ZNF468: variants seen among roughly 807,000 people sequenced by gnomAD.
The protein encoded by ZNF468 is zinc finger protein 468.
In ZNF468, 8 loss-of-function variants were observed where a neutral mutation model predicts 7.2. The ratio of observed to expected loss-of-function variants is 1.11; its 90% CI spans 0.65 to 2.01. The LOEUF is 2.01. Ranked by LOEUF, ZNF468 falls within the 30% of genes most tolerant of loss-of-function variation. ZNF468 has a pLI of 0.00. For missense variants in ZNF468, 608 were observed against 626.5 expected (o/e 0.97, Z 0.31); for synonymous variants, 218 against 214.4 (o/e 1.02, Z -0.15).
At chr19:52,848,682 C>T (rs4801940) in intron 3 of ZNF468, among the ~76,000 whole-genome samples, 79,335 of 151,516 alleles carry the variant, frequency 0.52, 22,451 homozygotes, top group African/African-American at 0.74. Flanking sequence ...TCTCTAGGAG[C>T]TGGGATTACA....
intron 3 of ZNF468, among the ~76,000 whole-genome samples, chr19:52,848,527 G>T (rs1182708423): frequency 6.6e-6 from 1 of 152,062 alleles, no homozygotes; most frequent in Non-Finnish European, 1.5e-5. Context: ...CAGGAAACTG[G>T]ATATCTTTAA....
At chr19:52,851,947 T>C (rs2063393692) in intron 2 of ZNF468, among the ~76,000 whole-genome samples, 1 of 152,168 alleles carries the variant, frequency 6.6e-6, no homozygotes, top group African/African-American at 2.4e-5. Context: ...TGTATGTATG[T>C]ATATATTTAT....
At chr19:52,850,736 A>G (rs530356750) in intron 2 of ZNF468, among the ~76,000 whole-genome samples, 1 of 151,726 alleles carries the variant, frequency 6.6e-6, no homozygotes, top group South Asian at 2.1e-4. Context: ...CATCTCTACT[A>G]AAAATACAAA....
chr19:52,856,680 C>T (rs565682684), intron 1 of ZNF468, among the ~76,000 whole-genome samples: 5 of 143,596 alleles, frequency 3.5e-5, no homozygotes, highest in East Asian at 1.9e-4. Flanking sequence ...CACATTTCTG[C>T]CCCTCTCCCT....
In ZNF468 at chr19:52,839,656, TGAG is replaced by T. The variant is rs2147720831; in HGVS notation, c.*1066_*1068del. 2 of 549,712 alleles carry T rather than the reference TGAG, an allele frequency of 3.6e-6. 1 individual carries two copies. The highest frequency in any genetic ancestry group is 2.8e-5 in the South Asian group (2 of 72,034). 34.1% of individuals were successfully genotyped at this position (549,712 alleles called of 1,614,324 possible). A position where few individuals can be genotyped will look rare whatever the true frequency, so the allele number is the denominator to read the frequency against. On this transcript the variant is annotated 3_prime_UTR_variant, in exon 4 of 4. Coordinates refer to ENST00000595646, the MANE Select transcript of ZNF468 (RefSeq NM_001008801.2). ...CCAGCATGGATTCTCTGATGTCTAA[TGAG>T]GTGTGAATGTGAAGTAAACGCTTTG... is the stretch of plus-strand genomic sequence containing the variant.
chr19:52,854,680 A>C (rs1468800574), intron 1 of ZNF468, among the ~76,000 whole-genome samples: 1 of 152,166 alleles, frequency 6.6e-6, no homozygotes, highest in Non-Finnish European at 1.5e-5. Flanking sequence ...TTTGAGCTCA[A>C]AAGTTTGAGA....
chr19:52,850,790 T>G (rs1411888591), intron 2 of ZNF468, among the ~76,000 whole-genome samples: 1 of 151,414 alleles, frequency 6.6e-6, no homozygotes, highest in Non-Finnish European at 1.5e-5. Context: ...TCCCAGCTAC[T>G]CGGGAGGCTG....
intron 2 of ZNF468, among the ~76,000 whole-genome samples, chr19:52,850,893 C>T (rs560453109): frequency 4.2e-4 from 63 of 150,278 alleles, no homozygotes; most frequent in Middle Eastern, 3.5e-3. Context: ...AGCGAGACTC[C>T]GTCTTGAAAA....
At position 52,839,355 on chromosome 19, in the gene ZNF468, G is replaced by A. The variant is rs1270497098; in HGVS notation, c.*1370C>T. The A allele has an allele frequency of 1.9e-5, 4 of 215,362 alleles. No individual in the cohort carries two copies. The highest frequency in any genetic ancestry group is 2.8e-5 in the Non-Finnish European group (3 of 105,422). 13.3% of individuals were successfully genotyped at this position (215,362 alleles called of 1,614,324 possible). The stretch of plus-strand genomic sequence containing the variant: ...GAGCTCCAGTGACCTACCTGTCTTT[G>A]CCTCTCAAAGTGCTGGAATTACAGG... On this transcript the variant is annotated 3_prime_UTR_variant, in exon 4 of 4. Coordinates refer to ENST00000595646, the MANE Select transcript of ZNF468 (RefSeq NM_001008801.2).
intron 2 of ZNF468, among the ~76,000 whole-genome samples, chr19:52,850,755 CG>C (rs1184758341): frequency 2.6e-5 from 4 of 151,528 alleles, no homozygotes; most frequent in African/African-American, 9.7e-5. Context: ...AAAAATTAGC[CG>C]GGCGTGGTGG....
At chr19:52,847,531 G>A (rs1352100374) in intron 3 of ZNF468, among the ~76,000 whole-genome samples, 1 of 151,740 alleles carries the variant, frequency 6.6e-6, no homozygotes, top group African/African-American at 2.4e-5. Flanking sequence ...GAGATAAAAG[G>A]AAGGCTTCTG....
intron 3 of ZNF468, among the ~76,000 whole-genome samples, chr19:52,848,037 C>A (rs1462082609): frequency 2.0e-5 from 3 of 152,186 alleles, no homozygotes; most frequent in Non-Finnish European, 4.4e-5. Context: ...GGGGCTGGCG[C>A]CCTTCAGAAA....
At chr19:52,857,361 A>G (rs557827803) in intron 1 of ZNF468, among the ~76,000 whole-genome samples, 48 of 152,242 alleles carry the variant, frequency 3.2e-4, no homozygotes, top group East Asian at 2.5e-3. Context: ...ACATTGCCCT[A>G]TGGCAGAAAG....
At chr19:52,849,237 C>G (rs779787817) in intron 2 of ZNF468, 24 bp from the exon 3 acceptor site, 2 of 1,612,232 alleles carry the variant, frequency 1.2e-6, no homozygotes, top group Non-Finnish European at 1.7e-6. Flanking sequence ...ACATTTTAAC[C>G]AAATGGTTAT....
chr19:52,849,124 G>A lies in ZNF468; in HGVS notation c.105C>T (p.Asp35=), dbSNP rs751891544. The change falls in exon 3 of 4, where the codon GAC becomes GAT. Residue 35 remains aspartate, a synonymous_variant. Transcript: ENST00000595646. ...LDPAQRTLYR[D]VMLENYRNLV... ...GGTTCCTATAATTCTCCAGCATCAC[G>A]TCCCTGTATAAAGTCCTCTGAGCAG... 27 of 1,613,948 alleles carry A rather than the reference G, an allele frequency of 1.7e-5. No homozygotes were observed. The Admixed American group carries it at 1.8e-4, about 11-fold the overall frequency.
Position 52,840,502 on chromosome 19 carries a change from T to C in ZNF468, c.*223A>G. 1 of 942,952 alleles carries C rather than the reference T, an allele frequency of 1.1e-6. No homozygotes were observed. The highest frequency in any genetic ancestry group is 1.6e-6 in the Non-Finnish European group (1 of 610,190). The allele number at this position is 942,952 out of a possible 1,614,324, so 58.4% of individuals were successfully genotyped here. Reference sequence around the variant, plus strand: ...GGTTTCTCTTCAATGTGAATTTTCTTATGTGTTTTAAGGTTTGATTTACAA... The same window carrying C: ...GGTTTCTCTTCAATGTGAATTTTCTCATGTGTTTTAAGGTTTGATTTACAA... On this transcript the variant is annotated 3_prime_UTR_variant, in exon 4 of 4. Transcript: ENST00000595646.
chr19:52,841,741 T>G lies in ZNF468; in HGVS notation c.553A>C (p.Lys185Gln), dbSNP rs1344339918. ...CCATACTTATTAGAAATATGGGTTT[T>G]GGGCCTACAACAAATTCTTTGGGAT... Reference protein sequence around the residue: ...STSQRICCRPKTHISNKYGNN... With the variant: ...STSQRICCRPQTHISNKYGNN... The change falls in exon 4 of 4, where the codon AAA becomes CAA. Residue 185 changes from lysine to glutamine, a missense_variant. Physicochemically the swap from Lys to Gln is moderately conservative, Grantham distance 53. Transcript: ENST00000595646. 3.1e-6 allele frequency: 5 copies of G among 1,614,144 alleles called. No individual in the cohort carries two copies. The highest frequency in any genetic ancestry group is 4.2e-6 in the Non-Finnish European group (5 of 1,180,022).
intron 1 of ZNF468, among the ~76,000 whole-genome samples, chr19:52,857,203 C>T (rs1600542191): frequency 6.6e-6 from 1 of 151,962 alleles, no homozygotes; most frequent in African/African-American, 2.4e-5. Context: ...ACTGGGGTCG[C>T]CGCGCTGTGC....
chr19:52,841,974 T>C lies in ZNF468; in HGVS notation c.320A>G (p.Asn107Ser), dbSNP rs771207855. 3.1e-6 allele frequency: 5 copies of C among 1,613,978 alleles called. No individual in the cohort carries two copies. The East Asian group carries it at 6.7e-5, about 22-fold the overall frequency. The stretch of plus-strand genomic sequence containing the variant: ...TTCTGTCATGGGTGCTGCATGGCCA[T>C]TTGTTTCATCTTCTTTCCACTGAAA... Reference protein sequence around the residue: ...FEFQWKEDETNGHAAPMTEIK... With the variant: ...FEFQWKEDETSGHAAPMTEIK... The change falls in exon 4 of 4, where the codon AAT becomes AGT. Residue 107 changes from asparagine (N) to serine (S), a missense_variant. Physicochemically the swap from Asn to Ser is conservative, Grantham distance 46. Coordinates refer to ENST00000595646, the MANE Select transcript of ZNF468 (RefSeq NM_001008801.2).
Sources: allele counts gnomAD v4.1 joint callset (sites outside exome capture counted in the v4.1 genomes callset), GRCh38; gene constraint gnomAD v4.1.1; transcripts MANE v1.5; gene names NCBI Gene and HGNC (gene_info 2026-07-23, HGNC 2026-07-21).